The following DYNC2LI1 variants were observed in gnomAD, a reference collection of about 807,000 sequenced individuals.
DYNC2LI1 encodes dynein cytoplasmic 2 light intermediate chain 1.
Under a neutral mutation model 51.9 loss-of-function variants are expected in DYNC2LI1, and 45 were observed. The ratio of observed to expected loss-of-function variants is 0.87; its 90% CI spans 0.68 to 1.11. DYNC2LI1 has a LOEUF of 1.11. Among genes scored for constraint, DYNC2LI1 ranks in the 50% most tolerant of loss-of-function variants. DYNC2LI1 has a pLI of 0.00. For missense variants in DYNC2LI1, 490 were observed against 417.4 expected (o/e 1.17, Z -1.51); for synonymous variants, 130 against 137.8 (o/e 0.94, Z 0.40).
chr2:43,795,234 G>A (rs1673978127), intron 6 of DYNC2LI1: 17 of 975,330 alleles, frequency 1.7e-5, no homozygotes, highest in Non-Finnish European at 2.0e-5. Flanking sequence ...AGCAGGGTGC[G>A]ATGGCTCATG....
chr2:43,796,754 A>G lies in DYNC2LI1; in HGVS notation c.613A>G (p.Thr205Ala), dbSNP rs774484305. The G allele has an allele frequency of 4.7e-5, 76 of 1,613,702 alleles. No homozygotes were observed. Among genetic ancestry groups the G allele is most frequent in the Non-Finnish European group, 6.4e-5 (75 of 1,179,876 alleles). ...TGAGAAGAGAAAGGTAATATGCAAG[A>G]CACTTCGATTTGTTGCACATTATTA... ...ESEKRKVICK[T>A]LRFVAHYYGA... Residue 205 changes from threonine to alanine, a missense_variant, in exon 8 of 13, where the codon ACA (threonine) becomes GCA (alanine). Transcript: ENST00000260605.
intron 2 of DYNC2LI1, among the ~76,000 whole-genome samples, chr2:43,779,153 C>A (rs767303977): frequency 6.6e-6 from 1 of 152,140 alleles, no homozygotes; most frequent in Middle Eastern, 3.4e-3. Context: ...GTCCCAGCTA[C>A]GTGGAAGACT....
intron 4 of DYNC2LI1, among the ~76,000 whole-genome samples, chr2:43,788,020 G>GA (rs559875167): frequency 2.9e-4 from 44 of 152,096 alleles, no homozygotes; most frequent in Admixed American, 2.6e-3. Context: ...GAAATTTAAA[G>GA]AAAAAAACAT....
At chr2:43,810,615 A>G, downstream of DYNC2LI1, 1 of 690,394 alleles carries the variant, frequency 1.4e-6, no homozygotes, top group Non-Finnish European at 1.8e-6. Flanking sequence ...TCAGATAAGC[A>G]CATTTACTAC....
rs557764042 is a variant in DYNC2LI1, at chr2:43,785,698, C to CAAAA, written c.162-1478_162-1475dup. On this transcript the variant is annotated intron_variant, in intron 3 of 12. Coordinates refer to ENST00000260605, the MANE Select transcript of DYNC2LI1 (RefSeq NM_016008.4). ...GCAGTGACCCAAGATTGTGCCACTG[C>CAAAA]AAAAAAAATAAATAAATAAAATAAA... is the stretch of plus-strand genomic sequence containing the variant. 6.9e-3 allele frequency among the ~76,000 whole-genome samples: 980 copies of CAAAA among 142,908 alleles called. 11 individuals are homozygous for CAAAA. Among genetic ancestry groups the CAAAA allele is most frequent in the African/African-American group, 0.025 (926 of 36,318 alleles). 93.8% of individuals were successfully genotyped at this position (142,908 alleles called of 152,430 possible). A position where few individuals can be genotyped will look rare whatever the true frequency, so the allele number is the denominator to read the frequency against.
At chr2:43,824,001 T>C in the DYNC2LI1 span, 13 of 1,614,046 alleles carry the variant, frequency 8.1e-6, no homozygotes, top group African/African-American at 1.3e-5. Context: ...TAGCACCCTT[T>C]AGCACATTGC....
At chr2:43,826,390 G>A in the DYNC2LI1 span, 1 of 1,613,984 alleles carries the variant, frequency 6.2e-7, no homozygotes, top group African/African-American at 1.3e-5. Context: ...ACCTGAAAAA[G>A]CTCAGAACGG....
chr2:43,826,653 G>T, the DYNC2LI1 span: 1 of 1,389,780 alleles, frequency 7.2e-7, no homozygotes, highest in Non-Finnish European at 1.0e-6. Flanking sequence ...AAGTAAACAT[G>T]TAAACTGGCT....
chr2:43,809,345 G>C (rs757637758), intron 12 of DYNC2LI1, among the ~76,000 whole-genome samples: 3 of 152,084 alleles, frequency 2.0e-5, no homozygotes, highest in Non-Finnish European at 4.4e-5. Context: ...TTTGATTAGA[G>C]CTGAACAGCA....
the DYNC2LI1 span, among the ~76,000 whole-genome samples, chr2:43,817,738 C>T: frequency 1.5e-4 from 23 of 151,946 alleles, no homozygotes; most frequent in Non-Finnish European, 2.8e-4. Flanking sequence ...GGTGAAACCA[C>T]GTCTCTACTA....
chr2:43,820,800 C>T, the DYNC2LI1 span, among the ~76,000 whole-genome samples: 1,759 of 152,094 alleles, frequency 0.012, 23 homozygotes, highest in Non-Finnish European at 0.019. Flanking sequence ...ATTACAGGTG[C>T]GCACCACCAC....
the DYNC2LI1 span, among the ~76,000 whole-genome samples, chr2:43,819,226 T>A: frequency 6.6e-6 from 1 of 152,174 alleles, no homozygotes; most frequent in African/African-American, 2.4e-5. Context: ...CTGCCTGGGA[T>A]CATTTTTAGC....
chr2:43,782,736 C>G (rs1163644267), intron 2 of DYNC2LI1, among the ~76,000 whole-genome samples: 1 of 152,076 alleles, frequency 6.6e-6, no homozygotes, highest in African/African-American at 2.4e-5. Flanking sequence ...AATCCCAGCA[C>G]TTTGAGAGGC....
At chr2:43,795,264 G>T (rs1673979277) in intron 6 of DYNC2LI1, 5 of 896,198 alleles carry the variant, frequency 5.6e-6, no homozygotes, top group Non-Finnish European at 5.3e-6. Flanking sequence ...CCAGCACTTT[G>T]GGTGGCCGAG....
chr2:43,785,673 G>T (rs2104675999), intron 3 of DYNC2LI1, among the ~76,000 whole-genome samples: 1 of 152,050 alleles, frequency 6.6e-6, no homozygotes, highest in Admixed American at 6.5e-5. Context: ...GGCAGAGGTT[G>T]CAGTGACCCA....
Position 43,809,932 on chromosome 2 carries a change from C to A in DYNC2LI1, c.*165C>A. 7.4e-7 allele frequency: 1 copy of A among 1,347,928 alleles called. No individual in the cohort carries two copies. The highest frequency in any genetic ancestry group is 2.8e-5 in the East Asian group (1 of 35,340). The allele number at this position is 1,347,928 out of a possible 1,614,324, so 83.5% of individuals were successfully genotyped here. ...GTGCATCTCCCTGTATATCTTGAAG[C>A]TTTTTAAAAGGAAAAATTATTGTAG... On this transcript the variant is annotated 3_prime_UTR_variant, in exon 13 of 13. Coordinates refer to ENST00000260605, the MANE Select transcript of DYNC2LI1 (RefSeq NM_016008.4).
chr2:43,800,508 A>G (rs111520910), intron 8 of DYNC2LI1, among the ~76,000 whole-genome samples: 4 of 152,308 alleles, frequency 2.6e-5, no homozygotes, highest in African/African-American at 9.6e-5. Flanking sequence ...GTATGTTTAC[A>G]CACATACAGC....
chr2:43,791,974 A>G (rs560610515), intron 5 of DYNC2LI1, among the ~76,000 whole-genome samples: 19 of 152,324 alleles, frequency 1.2e-4, no homozygotes, highest in African/African-American at 4.6e-4. Context: ...AAATTTGAGT[A>G]ATTTATTTTT....
the DYNC2LI1 span, chr2:43,824,282 GGTAACGT>G: frequency 6.2e-7 from 1 of 1,614,172 alleles, no homozygotes; most frequent in Non-Finnish European, 8.5e-7. Context: ...AGGAACCATT[GGTAACGT>G]TTTCAGGTGT....
Sources: gnomAD v4.1 joint callset for allele counts (sites outside exome capture counted in the v4.1 genomes callset) on GRCh38, gnomAD v4.1.1 for gene constraint, MANE v1.5 for transcripts, NCBI Gene and HGNC (gene_info 2026-07-23, HGNC 2026-07-21) for gene names.